Variants in SLCO1B3 observed in about 807,000 individuals in gnomAD.
The protein encoded by SLCO1B3 is solute carrier organic anion transporter family member 1B3, also known as liver-specific organic anion transporter 2.
Under a neutral mutation model 71.8 loss-of-function variants are expected in SLCO1B3, and 72 were observed. The ratio of observed to expected loss-of-function variants is 1.00; its 90% CI spans 0.83 to 1.22. The LOEUF is 1.22. Among genes scored for constraint, SLCO1B3 ranks in the 50% most tolerant of loss-of-function variants. The pLI is 0.00. For missense variants in SLCO1B3, 911 were observed against 819.7 expected (o/e 1.11, Z -1.36); for synonymous variants, 298 against 278.4 (o/e 1.07, Z -0.70).
chr12:20,895,737 C>A (rs1057230339), intron 13 of SLCO1B3, among the ~76,000 whole-genome samples: 1 of 152,134 alleles, frequency 6.6e-6, no homozygotes. Context: ...TTCTCACAGC[C>A]CCACTAGGCA....
intron 3 of SLCO1B3, among the ~76,000 whole-genome samples, chr12:20,839,111 A>G (rs968555477): frequency 1.3e-5 from 2 of 151,938 alleles, no homozygotes; most frequent in Admixed American, 1.3e-4. Flanking sequence ...CGTTTATTGC[A>G]TCATTGTGTC....
At chr12:20,855,206 C>A in intron 4 of SLCO1B3, 37 bp downstream of exon 4, 1 of 1,553,366 alleles carries the variant, frequency 6.4e-7, no homozygotes, top group Non-Finnish European at 8.8e-7. Context: ...ACCATACTTG[C>A]ATAAGTTGAA....
intron 3 of SLCO1B3, among the ~76,000 whole-genome samples, chr12:20,851,064 C>A (rs957018954): frequency 2.0e-5 from 3 of 152,014 alleles, no homozygotes; most frequent in African/African-American, 4.8e-5. Context: ...TTTATCTATT[C>A]ATTTGTCAAT....
At chr12:20,825,718 G>A (rs1172089420) in intron 3 of SLCO1B3, among the ~76,000 whole-genome samples, 1 of 149,902 alleles carries the variant, frequency 6.7e-6, no homozygotes, top group Admixed American at 6.7e-5. Flanking sequence ...AGAATTGCTT[G>A]GATTTGGGAG....
intron 3 of SLCO1B3, among the ~76,000 whole-genome samples, chr12:20,832,600 A>G (rs1016183876): frequency 6.6e-6 from 1 of 152,088 alleles, no homozygotes; most frequent in African/African-American, 2.4e-5. Context: ...ACCAAGATCC[A>G]TATCCCACAG....
rs749680566 is a variant in SLCO1B3 at position 20,858,426 on chromosome 12, G to GT, written c.227-5dup. On this transcript the variant is annotated splice_polypyrimidine_tract_variant and intron_variant, in intron 4 of 15. Transcript: ENST00000381545. Reference sequence around the variant, plus strand: ...CACTAAGTCATATCAACATAATTTTGTTTTTTTTCTAGGAAATTTGCTTGT... The same window carrying GT: ...CACTAAGTCATATCAACATAATTTTGTTTTTTTTTCTAGGAAATTTGCTTGT... The GT allele has an allele frequency of 7.9e-5, 122 of 1,546,080 alleles. No individual in the cohort carries two copies. Among genetic ancestry groups the GT allele is most frequent in the South Asian group, 1.1e-4 (10 of 89,226 alleles).
intron 5 of SLCO1B3, chr12:20,858,934 A>C (rs1370704063): frequency 6.4e-6 from 1 of 155,438 alleles, no homozygotes; most frequent in Non-Finnish European, 1.4e-5. Context: ...GCTGCTGTAC[A>C]GGTTTTCCCA....
At position 20,901,389 on chromosome 12, in the gene SLCO1B3, A is replaced by G. The variant is rs1455222732; in HGVS notation, c.1787A>G (p.Asp596Gly). 1.9e-6 allele frequency: 3 copies of G among 1,592,710 alleles called. No homozygotes were observed. Among genetic ancestry groups the G allele is most frequent in the Non-Finnish European group, 1.7e-6 (2 of 1,172,544 alleles). The change falls in exon 15 of 16, where the codon GAT becomes GGT. Residue 596 changes from aspartate (D) to glycine (G), a missense_variant. Asp to Gly is a moderately conservative substitution (Grantham distance 94). Coordinates refer to ENST00000381545, the MANE Select transcript of SLCO1B3 (RefSeq NM_019844.4). The stretch of plus-strand genomic sequence containing the variant: ...CCAATATATTTTGGGGCTCTGATTG[A>G]TAAAACATGTATGAAGTGGTCCACC... ...LAPIYFGALI[D>G]KTCMKWSTNS...
chr12:20,830,615 G>A (rs1044541463), intron 3 of SLCO1B3, among the ~76,000 whole-genome samples: 1 of 152,148 alleles, frequency 6.6e-6, no homozygotes, highest in African/African-American at 2.4e-5. Flanking sequence ...CGCTTTTGGT[G>A]ACTCAGCTTC....
At chr12:20,885,403 C>A (rs1389952628) in intron 13 of SLCO1B3, among the ~76,000 whole-genome samples, 2 of 152,010 alleles carry the variant, frequency 1.3e-5, no homozygotes, top group East Asian at 3.9e-4. Context: ...AATGATAAAA[C>A]TTCATTAGCA....
chr12:20,854,932 G>A (rs774606038), intron 3 of SLCO1B3, 96 bp from the exon 4 acceptor site: 27 of 1,136,038 alleles, frequency 2.4e-5, no homozygotes, highest in African/African-American at 9.5e-5. Context: ...TAATGTTTTC[G>A]AGTAAAGAAG....
At chr12:20,861,918 C>T (rs1865273788) in intron 6 of SLCO1B3, among the ~76,000 whole-genome samples, 1 of 145,864 alleles carries the variant, frequency 6.9e-6, no homozygotes. Flanking sequence ...TAATCACAGC[C>T]ATGACATCCA....
At chr12:20,909,606 C>A (rs1361774650) in intron 15 of SLCO1B3, among the ~76,000 whole-genome samples, 2 of 152,062 alleles carry the variant, frequency 1.3e-5, no homozygotes, top group African/African-American at 4.8e-5. Context: ...TTTTTGAAAA[C>A]AGTTATTGAA....
Position 20,844,804 on chromosome 12 carries a change from C to T in SLCO1B3, c.85-10224C>T, listed in dbSNP as rs557044600. Among the ~76,000 whole-genome samples the T allele has an allele frequency of 3.3e-5, 5 of 151,872 alleles. No homozygotes were observed. In the South Asian group the frequency reaches 6.2e-4, roughly 19 times the overall value. On this transcript the variant is annotated intron_variant, in intron 3 of 15. Transcript: ENST00000381545. The stretch of plus-strand genomic sequence containing the variant: ...CAGCACTTTGGGAGGCCAAGGTGGG[C>T]GAATCATCTGAGGCCAGGAATTCAA...
At chr12:20,817,086 A>G (rs1864207071) in intron 3 of SLCO1B3, among the ~76,000 whole-genome samples, 1 of 152,152 alleles carries the variant, frequency 6.6e-6, no homozygotes, top group South Asian at 2.1e-4. Flanking sequence ...ATCTACTTAG[A>G]CATTCTGGTG....
intron 3 of SLCO1B3, among the ~76,000 whole-genome samples, chr12:20,821,809 G>T (rs888360746): frequency 1.3e-5 from 2 of 152,176 alleles, no homozygotes; most frequent in East Asian, 3.9e-4. Context: ...AATCAGAGAG[G>T]CATCCCTGCA....
At chr12:20,835,374 C>A (rs1426469119) in intron 3 of SLCO1B3, among the ~76,000 whole-genome samples, 1 of 152,176 alleles carries the variant, frequency 6.6e-6, no homozygotes, top group Non-Finnish European at 1.5e-5. Flanking sequence ...AATATCCCCC[C>A]AGAAAATGGG....
chr12:20,845,095 C>CA (rs1864887529), intron 3 of SLCO1B3: 1 of 416,084 alleles, frequency 2.4e-6, no homozygotes, highest in Non-Finnish European at 4.7e-6. Flanking sequence ...CATTGCTAAC[C>CA]AAGGTGATGG....
chr12:20,819,272 A>G (rs893999501), intron 3 of SLCO1B3, among the ~76,000 whole-genome samples: 1 of 152,172 alleles, frequency 6.6e-6, no homozygotes, highest in African/African-American at 2.4e-5. Context: ...ATCGGACACG[A>G]TCATCAGGGA....
Sources: allele counts gnomAD v4.1 joint callset (sites outside exome capture counted in the v4.1 genomes callset), GRCh38; gene constraint gnomAD v4.1.1; transcripts MANE v1.5; gene names NCBI Gene and HGNC (gene_info 2026-07-23, HGNC 2026-07-21).